Variants in AFG2A observed in about 807,000 individuals in gnomAD.
AFG2A encodes AAA ATPase AFG2A, also known as ATPase family gene 2 protein homolog A.
chr4:123,151,760 C>T, the AFG2A span, among the ~76,000 whole-genome samples: 2 of 152,152 alleles, frequency 1.3e-5, no homozygotes, highest in East Asian at 3.9e-4. Flanking sequence ...ACCATTTGAC[C>T]TAGCAATTCC....
chr4:123,089,730 A>G, the AFG2A span, among the ~76,000 whole-genome samples: 1 of 152,002 alleles, frequency 6.6e-6, no homozygotes, highest in Non-Finnish European at 1.5e-5. Flanking sequence ...GATTACATGT[A>G]CATACTACCA....
chr4:123,017,261 C>T, the AFG2A span, among the ~76,000 whole-genome samples: 2 of 138,238 alleles, frequency 1.4e-5, no homozygotes, highest in African/African-American at 2.8e-5. Flanking sequence ...AGAGCGAGAG[C>T]GAGAGCGAGA....
At chr4:123,318,409 C>A in the AFG2A span, 3 of 152,172 alleles carry the variant, frequency 2.0e-5, no homozygotes, top group African/African-American at 7.2e-5. Flanking sequence ...TCTTTAGTCT[C>A]TCATAAGCCA....
chr4:123,280,322 T>A, the AFG2A span, among the ~76,000 whole-genome samples: 1 of 152,218 alleles, frequency 6.6e-6, no homozygotes, highest in African/African-American at 2.4e-5. Flanking sequence ...CTACTTTTTT[T>A]AAATTAATAA....
At chr4:123,105,456 G>T in the AFG2A span, among the ~76,000 whole-genome samples, 2 of 152,272 alleles carry the variant, frequency 1.3e-5, no homozygotes, top group African/African-American at 4.8e-5. Flanking sequence ...ATGGATGAAG[G>T]AGTAATATTG....
the AFG2A span, among the ~76,000 whole-genome samples, chr4:123,209,233 T>G: frequency 6.6e-6 from 1 of 152,082 alleles, no homozygotes; most frequent in African/African-American, 2.4e-5. Context: ...TGCTGTCGGG[T>G]GTCAGTCTCC....
At chr4:122,957,108 G>GA in the AFG2A span, among the ~76,000 whole-genome samples, 1 of 151,380 alleles carries the variant, frequency 6.6e-6, no homozygotes, top group African/African-American at 2.4e-5. Flanking sequence ...GGGAGAACAA[G>GA]AAAAAAATGG....
chr4:123,295,221 A>G, the AFG2A span, among the ~76,000 whole-genome samples: 2 of 152,212 alleles, frequency 1.3e-5, no homozygotes, highest in African/African-American at 4.8e-5. Flanking sequence ...GGAGATGTGG[A>G]AAGGTAGAGC....
the AFG2A span, among the ~76,000 whole-genome samples, chr4:122,975,250 A>G: frequency 8.6e-3 from 1,309 of 152,078 alleles, 17 homozygotes; most frequent in African/African-American, 0.03. Flanking sequence ...AAAGGAGAGG[A>G]ACGTTGTGTC....
chr4:123,244,949 AT>A, the AFG2A span, among the ~76,000 whole-genome samples: 1 of 152,210 alleles, frequency 6.6e-6, no homozygotes, highest in Admixed American at 6.5e-5. Context: ...GTTGTGTGAT[AT>A]GTGCAAAAGA....
chr4:123,152,508 A>T, the AFG2A span, among the ~76,000 whole-genome samples: 1 of 152,254 alleles, frequency 6.6e-6, no homozygotes, highest in South Asian at 2.1e-4. Context: ...TAAGCATATG[A>T]AAAGATAATC....
the AFG2A span, among the ~76,000 whole-genome samples, chr4:123,283,236 A>G: frequency 6.6e-6 from 1 of 152,186 alleles, no homozygotes; most frequent in Non-Finnish European, 1.5e-5. Flanking sequence ...TAATATTTTT[A>G]AGTCATTCTT....
chr4:123,012,970 GAC>G, the AFG2A span, among the ~76,000 whole-genome samples: 3 of 152,152 alleles, frequency 2.0e-5, no homozygotes, highest in African/African-American at 7.2e-5. Context: ...TCTGTGTGAA[GAC>G]ACCACCAAAC....
chr4:123,002,167 C>T, the AFG2A span, among the ~76,000 whole-genome samples: 1 of 152,052 alleles, frequency 6.6e-6, no homozygotes, highest in Non-Finnish European at 1.5e-5. Context: ...GTAGATCTTC[C>T]TCCATCCTTT....
the AFG2A span, among the ~76,000 whole-genome samples, chr4:123,045,611 T>A: frequency 2.6e-5 from 4 of 152,156 alleles, no homozygotes; most frequent in African/African-American, 9.7e-5. Context: ...TGATTAGATT[T>A]AGGTTATTCT....
the AFG2A span, among the ~76,000 whole-genome samples, chr4:123,056,922 G>T: frequency 6.6e-6 from 1 of 152,230 alleles, no homozygotes; most frequent in African/African-American, 2.4e-5. Context: ...GTTACTAGTA[G>T]TGCAGCTGGG....
At chr4:123,313,620 C>A in the AFG2A span, among the ~76,000 whole-genome samples, 1 of 152,218 alleles carries the variant, frequency 6.6e-6, no homozygotes, top group African/African-American at 2.4e-5. Context: ...CCCTTAAAAG[C>A]AAATGCCACT....
the AFG2A span, among the ~76,000 whole-genome samples, chr4:123,198,412 T>C: frequency 1.3e-5 from 2 of 152,196 alleles, no homozygotes; most frequent in Non-Finnish European, 1.5e-5. Flanking sequence ...CAAATTCGTA[T>C]GCATTTGTCT....
At chr4:123,062,721 A>G in the AFG2A span, among the ~76,000 whole-genome samples, 2 of 152,254 alleles carry the variant, frequency 1.3e-5, no homozygotes, top group African/African-American at 4.8e-5. Flanking sequence ...ATTTGTGTAT[A>G]TAAACATACA....
Sources: allele counts gnomAD v4.1 joint callset (sites outside exome capture counted in the v4.1 genomes callset), GRCh38; gene constraint gnomAD v4.1.1; transcripts MANE v1.5; gene names NCBI Gene and HGNC (gene_info 2026-07-23, HGNC 2026-07-21).